Variants in SLIT1 observed in about 807,000 individuals in gnomAD.
The protein encoded by SLIT1 is slit homolog 1 protein.
A neutral mutation model predicts 186.1 loss-of-function variants in SLIT1; 66 were observed. The observed-to-expected ratio is 0.35, with a 90% CI of 0.29 to 0.44. SLIT1 has a LOEUF of 0.44. Ranked by LOEUF, SLIT1 falls within the 20% of genes least tolerant of loss-of-function variation. The probability of loss-of-function intolerance (pLI) is 1.00; values close to 1 mark genes in which losing one functional copy is unlikely to be tolerated. For synonymous variants in SLIT1, 761 were observed against 833.8 expected (o/e 0.91, Z 1.50); for missense variants, 1,638 against 2,037.4 (o/e 0.80, Z 3.77).
At chr10:97,157,191 C>G (rs1849963171) in intron 4 of SLIT1, 1 of 152,146 alleles carries the variant, frequency 6.6e-6, no homozygotes, top group Non-Finnish European at 1.5e-5. Flanking sequence ...AGAAGAGATT[C>G]CTTAGATAAT....
chr10:97,124,207 A>T (rs1165503046), intron 4 of SLIT1, among the ~76,000 whole-genome samples: 1 of 152,234 alleles, frequency 6.6e-6, no homozygotes, highest in Non-Finnish European at 1.5e-5. Flanking sequence ...ATGGTAGGAA[A>T]TTCAAGGTAG....
At chr10:97,108,886 CAAAAAAAAAAAAA>C (rs11355026) in intron 4 of SLIT1, among the ~76,000 whole-genome samples, 3 of 46,744 alleles carry the variant, frequency 6.4e-5, no homozygotes, top group South Asian at 1.6e-3. Flanking sequence ...GTCTCAGTCT[CAAAAAAAAAAAAA>C]AAAAAAAAAA....
chr10:97,185,449 A>C, intron 1 of SLIT1, 29 bp downstream of exon 1: 1 of 1,602,760 alleles, frequency 6.2e-7, no homozygotes, highest in South Asian at 1.1e-5. Flanking sequence ...CCTCGGAGCC[A>C]GGGAGCCAGG....
chr10:97,104,308 G>A (rs1849391094), intron 4 of SLIT1, among the ~76,000 whole-genome samples: 1 of 152,166 alleles, frequency 6.6e-6, no homozygotes, highest in East Asian at 1.9e-4. Context: ...AGGAGTCCAG[G>A]GTCGCTGGAG....
chr10:97,157,527 C>G (rs1201520430), intron 4 of SLIT1: 1 of 400,264 alleles, frequency 2.5e-6, no homozygotes, highest in Non-Finnish European at 4.4e-6. Flanking sequence ...GCATCACCGT[C>G]CACAAGCATG....
chr10:97,077,883 G>A (rs995836402), intron 4 of SLIT1, among the ~76,000 whole-genome samples: 1 of 152,156 alleles, frequency 6.6e-6, no homozygotes, highest in African/African-American at 2.4e-5. Context: ...GAAGCAAGAG[G>A]ATCACTGGAG....
At chr10:97,023,037 A>C (rs935064968) in intron 25 of SLIT1, among the ~76,000 whole-genome samples, 7 of 151,704 alleles carry the variant, frequency 4.6e-5, no homozygotes, top group African/African-American at 1.7e-4. Flanking sequence ...AATGGCAGTG[A>C]ATACTCATAC....
chr10:97,146,476 T>C (rs1031531770), intron 4 of SLIT1, among the ~76,000 whole-genome samples: 3 of 151,952 alleles, frequency 2.0e-5, no homozygotes, highest in Non-Finnish European at 4.4e-5. Context: ...CTCCCTTGAC[T>C]CCCTCCTCAA....
chr10:97,170,606 C>G (rs1004396597), intron 1 of SLIT1, among the ~76,000 whole-genome samples: 1 of 152,134 alleles, frequency 6.6e-6, no homozygotes, highest in African/African-American at 2.4e-5. Flanking sequence ...CTCCCTCTTC[C>G]AAAAGTCATG....
intron 20 of SLIT1, among the ~76,000 whole-genome samples, chr10:97,041,271 G>T (rs1445940040): frequency 1.3e-5 from 2 of 152,222 alleles, no homozygotes; most frequent in Non-Finnish European, 2.9e-5. Context: ...GCAGCTGGGG[G>T]CTGCTTACAT....
At chr10:97,165,452 T>C (rs937614222) in intron 1 of SLIT1, among the ~76,000 whole-genome samples, 1 of 151,966 alleles carries the variant, frequency 6.6e-6, no homozygotes, top group African/African-American at 2.4e-5. Flanking sequence ...TTTAAAGGAC[T>C]GAGGAAGCGG....
chr10:97,054,793 T>G (rs1482425574), intron 13 of SLIT1, among the ~76,000 whole-genome samples: 1 of 152,142 alleles, frequency 6.6e-6, no homozygotes, highest in Non-Finnish European at 1.5e-5. Flanking sequence ...ACAAATCAGT[T>G]ACAAGGAAAA....
Position 97,000,837 on chromosome 10 carries a change from A to G in SLIT1, c.*275T>C, listed in dbSNP as rs1848300059. Reference sequence around the variant, plus strand: ...CTTCTTGGCCTGACCTCACGCACACATTCACTCAACAAATATTTATTAAGC... The same window carrying G: ...CTTCTTGGCCTGACCTCACGCACACGTTCACTCAACAAATATTTATTAAGC... On this transcript the variant is annotated 3_prime_UTR_variant, in exon 37 of 37. Transcript: ENST00000266058. 4.1e-6 allele frequency: 2 copies of G among 482,838 alleles called. No homozygotes were observed. Among genetic ancestry groups the G allele is most frequent in the Non-Finnish European group, 7.5e-6 (2 of 266,534 alleles). The allele number at this position is 482,838 out of a possible 1,614,324, so 29.9% of individuals were successfully genotyped here. A position where few individuals can be genotyped will look rare whatever the true frequency, so the allele number is the denominator to read the frequency against.
At chr10:97,119,942 T>TATATATATATATATAC (rs1849545923) in intron 4 of SLIT1, among the ~76,000 whole-genome samples, 1 of 139,214 alleles carries the variant, frequency 7.2e-6, no homozygotes, top group Non-Finnish European at 1.6e-5. Flanking sequence ...TATATATATA[T>TATATATATATATATAC]ATATGTATAT....
intron 17 of SLIT1, 82 bp from the exon 18 acceptor site, chr10:97,046,879 C>A (rs1291254672): frequency 1.3e-5 from 20 of 1,582,288 alleles, no homozygotes; most frequent in African/African-American, 5.4e-5. Flanking sequence ...GCAACACCCC[C>A]ACACACAGAG....
In SLIT1 at chr10:97,094,109, C is replaced by G. The variant is rs1045470933; in HGVS notation, c.414-28023G>C. ...CCTTCTGGAAAGGCAGCTAGGTCAC[C>G]CTGCCCCCAGAGGACCTCCTGTGTC... is the stretch of plus-strand genomic sequence containing the variant. On this transcript the variant is annotated intron_variant, in intron 4 of 36. Transcript: ENST00000266058. Among the ~76,000 whole-genome samples, 4 of 152,342 alleles carry G rather than the reference C, an allele frequency of 2.6e-5. No homozygotes were observed. The East Asian group carries it at 7.7e-4, about 29-fold the overall frequency.
chr10:97,007,313 G>A (rs1848367275), intron 31 of SLIT1, among the ~76,000 whole-genome samples: 1 of 152,090 alleles, frequency 6.6e-6, no homozygotes. Flanking sequence ...TTAGTAATCA[G>A]AAAACTTCCC....
chr10:97,093,171 A>C (rs1849251261), intron 4 of SLIT1, among the ~76,000 whole-genome samples: 1 of 152,234 alleles, frequency 6.6e-6, no homozygotes, highest in Admixed American at 6.5e-5. Flanking sequence ...CAGAAGACAC[A>C]ACCTGTGTTG....
chr10:97,121,004 A>G (rs1429615540), intron 4 of SLIT1, among the ~76,000 whole-genome samples: 1 of 152,104 alleles, frequency 6.6e-6, no homozygotes, highest in Non-Finnish European at 1.5e-5. Context: ...CACCAAAACT[A>G]TTAGATGTCA....
Sources: gnomAD v4.1 joint callset for allele counts (sites outside exome capture counted in the v4.1 genomes callset) on GRCh38, gnomAD v4.1.1 for gene constraint, MANE v1.5 for transcripts, NCBI Gene and HGNC (gene_info 2026-07-23, HGNC 2026-07-21) for gene names.